ANO4: variants seen among roughly 807,000 people sequenced by gnomAD.
The protein encoded by ANO4 is anoctamin-4.
ANO4 carries 69 observed loss-of-function variants against 141.9 expected under a neutral mutation model. The observed-to-expected ratio is 0.49, with a 90% CI of 0.40 to 0.59. The LOEUF is 0.59. Ranked by LOEUF, ANO4 falls within the 20% of genes least tolerant of loss-of-function variation. The probability of loss-of-function intolerance (pLI) is 0.00; values close to 1 mark genes in which losing one functional copy is unlikely to be tolerated. For synonymous variants in ANO4, 350 were observed against 394.3 expected, an observed-to-expected ratio of 0.89 and a Z score of 1.33; for missense variants, 894 against 1,162.2, an observed-to-expected ratio of 0.77 and a Z score of 3.36.
At chr12:101,110,188 T>C (rs904388153) in intron 22 of ANO4, among the ~76,000 whole-genome samples, 15 of 152,290 alleles carry the variant, frequency 9.8e-5, no homozygotes, top group African/African-American at 3.6e-4. Flanking sequence ...ATCTGGATCC[T>C]AGGTGTGCTC....
At chr12:101,039,805 T>A in intron 10 of ANO4, 150 bp from the exon 11 acceptor site, 6 of 795,368 alleles carry the variant, frequency 7.5e-6, no homozygotes, top group Non-Finnish European at 1.2e-5. Flanking sequence ...GAATAACTCA[T>A]CAAACTGCCT....
chr12:100,797,143 T>TAC (rs1468334809), intron 1 of ANO4, among the ~76,000 whole-genome samples: 2 of 151,626 alleles, frequency 1.3e-5, no homozygotes, highest in East Asian at 1.9e-4. Context: ...TATATATATA[T>TAC]ATACACACAT....
At chr12:100,979,475 A>G (rs1311054177) in intron 7 of ANO4, among the ~76,000 whole-genome samples, 2 of 152,226 alleles carry the variant, frequency 1.3e-5, no homozygotes, top group African/African-American at 4.8e-5. Flanking sequence ...TATAGAGTGG[A>G]GGATAATGGA....
At chr12:101,003,676 A>C (rs2045747406) in intron 8 of ANO4, among the ~76,000 whole-genome samples, 1 of 152,190 alleles carries the variant, frequency 6.6e-6, no homozygotes, top group South Asian at 2.1e-4. Context: ...ACGTAATTGC[A>C]CATATTTATA....
intron 3 of ANO4, among the ~76,000 whole-genome samples, chr12:100,927,106 G>C (rs1213928116): frequency 1.3e-5 from 2 of 152,144 alleles, no homozygotes; most frequent in African/African-American, 4.8e-5. Context: ...CTGGAGACTT[G>C]AAAGGTGGGC....
At chr12:100,997,692 C>T (rs971896228) in intron 8 of ANO4, among the ~76,000 whole-genome samples, 3 of 151,902 alleles carry the variant, frequency 2.0e-5, no homozygotes, top group Non-Finnish European at 2.9e-5. Flanking sequence ...AGGGGCCAAG[C>T]GGAAGGGAGA....
chr12:101,031,618 A>C (rs754588805), intron 9 of ANO4, among the ~76,000 whole-genome samples: 1 of 152,186 alleles, frequency 6.6e-6, no homozygotes, highest in Non-Finnish European at 1.5e-5. Flanking sequence ...AGTGTATTCA[A>C]ATAGGAAGAG....
intron 1 of ANO4, among the ~76,000 whole-genome samples, chr12:100,728,605 TAG>T (rs1377987672): frequency 6.6e-6 from 1 of 152,200 alleles, no homozygotes; most frequent in African/African-American, 2.4e-5. Flanking sequence ...ATCTGCATAA[TAG>T]AGTTATACCT....
intron 22 of ANO4, among the ~76,000 whole-genome samples, chr12:101,104,959 C>A (rs79799787): frequency 6.6e-6 from 1 of 152,182 alleles, no homozygotes; most frequent in African/African-American, 2.4e-5. Context: ...TATGTACATA[C>A]AAGTTGGATT....
At chr12:100,847,328 T>A (rs1205605573) in intron 1 of ANO4, among the ~76,000 whole-genome samples, 2 of 152,216 alleles carry the variant, frequency 1.3e-5, no homozygotes, top group Admixed American at 6.5e-5. Context: ...CTATTTAGTA[T>A]GTGACTCATC....
At chr12:100,795,687 G>T (rs2034263230) in intron 1 of ANO4, among the ~76,000 whole-genome samples, 2 of 152,124 alleles carry the variant, frequency 1.3e-5, no homozygotes, top group African/African-American at 4.8e-5. Flanking sequence ...ATATTTTACA[G>T]GCTCTTCAGA....
chr12:101,120,514 T>TTAAA lies in ANO4; in HGVS notation c.2571-4_2571-3insAATA. Reference sequence around the variant, plus strand: ...TTGAATGCAACATTTTTCTGTGTCTTTATAGATACCGGGACTACCGTGACC... The same window carrying TTAAA: ...TTGAATGCAACATTTTTCTGTGTCTTTAAATATAGATACCGGGACTACCGTGACC... On this transcript the variant is annotated splice_polypyrimidine_tract_variant and splice_region_variant and intron_variant, in intron 25 of 27. Transcript: ENST00000392977. 6.2e-7 allele frequency: 1 copy of TTAAA among 1,612,138 alleles called. No individual in the cohort carries two copies.
intron 9 of ANO4, among the ~76,000 whole-genome samples, chr12:101,026,346 G>A (rs935007493): frequency 2.0e-5 from 3 of 152,072 alleles, no homozygotes; most frequent in Non-Finnish European, 1.5e-5. Context: ...ATTGTACACT[G>A]AAAACTACAA....
intron 14 of ANO4, chr12:101,068,899 C>G: frequency 1.2e-6 from 1 of 845,400 alleles, no homozygotes. Context: ...GCTAACAGAG[C>G]TCCTCCGATA....
intron 3 of ANO4, among the ~76,000 whole-genome samples, chr12:100,777,269 C>CTTTTTTTTTTTTTT (rs71091463): frequency 4.0e-5 from 2 of 50,614 alleles, no homozygotes; most frequent in Non-Finnish European, 7.0e-5. Flanking sequence ...ATTTTTGTAT[C>CTTTTTTTTTTTTTT]TTTTTTTTTT....
Position 100,736,132 on chromosome 12 carries a change from C to G in ANO4, c.106+2275C>G, listed in dbSNP as rs1016588716. On this transcript the variant is annotated intron_variant, in intron 2 of 29. Transcript: ENST00000644049. Reference sequence around the variant, plus strand: ...TGCCTTGGTGACATCGTGAGAGCCACGTGAGTGGGTGGCGGGATGGGAGCC... The same window carrying G: ...TGCCTTGGTGACATCGTGAGAGCCAGGTGAGTGGGTGGCGGGATGGGAGCC... Among the ~76,000 whole-genome samples the G allele has an allele frequency of 2.6e-5, 4 of 152,088 alleles. No homozygotes were observed. In the East Asian group the frequency reaches 7.8e-4, roughly 30 times the overall value.
chr12:100,954,420 T>C (rs2043098714), intron 5 of ANO4, among the ~76,000 whole-genome samples: 1 of 152,148 alleles, frequency 6.6e-6, no homozygotes, highest in South Asian at 2.1e-4. Flanking sequence ...AATCTGCCTG[T>C]AACTACCTGC....
chr12:100,772,999 C>A (rs2033363146), intron 3 of ANO4, among the ~76,000 whole-genome samples: 1 of 152,202 alleles, frequency 6.6e-6, no homozygotes, highest in African/African-American at 2.4e-5. Flanking sequence ...TTGAGGTGGT[C>A]TTAGCCCATT....
chr12:100,949,017 G>C (rs1248722690), intron 5 of ANO4, among the ~76,000 whole-genome samples: 2 of 152,248 alleles, frequency 1.3e-5, no homozygotes, highest in East Asian at 3.9e-4. Flanking sequence ...AGAAAGGTGG[G>C]GTGGCCTCTA....
Sources: allele counts gnomAD v4.1 joint callset (sites outside exome capture counted in the v4.1 genomes callset), GRCh38; gene constraint gnomAD v4.1.1; transcripts MANE v1.5; gene names NCBI Gene and HGNC (gene_info 2026-07-23, HGNC 2026-07-21).